The following KCND2 variants were observed in gnomAD, a reference collection of about 807,000 sequenced individuals.
The protein encoded by KCND2 is potassium voltage-gated channel subfamily D member 2, also known as A-type voltage-gated potassium channel KCND2.
In KCND2, 16 loss-of-function variants were observed where a neutral mutation model predicts 54.4. The ratio of observed to expected loss-of-function variants is 0.29; its 90% CI spans 0.20 to 0.45. The LOEUF is 0.45. KCND2 is among the 20% of genes least tolerant of loss of function. The probability of loss-of-function intolerance (pLI) is 1.00; values close to 1 mark genes in which losing one functional copy is unlikely to be tolerated. For missense variants in KCND2, 486 were observed against 824.2 expected, an observed-to-expected ratio of 0.59 and a Z score of 5.02; for synonymous variants, 317 against 310.7, an observed-to-expected ratio of 1.02 and a Z score of -0.21.
intron 1 of KCND2, among the ~76,000 whole-genome samples, chr7:120,316,630 G>C (rs1215255008): frequency 6.6e-6 from 1 of 151,992 alleles, no homozygotes; most frequent in African/African-American, 2.4e-5. Context: ...ATTTTTATTA[G>C]TTTATTTGCA....
intron 1 of KCND2, among the ~76,000 whole-genome samples, chr7:120,542,171 T>C (rs893710791): frequency 1.3e-5 from 2 of 152,196 alleles, no homozygotes; most frequent in Admixed American, 6.5e-5. Flanking sequence ...TTAATGACAC[T>C]GTCACTGTCA....
At chr7:120,328,136 T>C (rs997727717) in intron 1 of KCND2, among the ~76,000 whole-genome samples, 3 of 152,098 alleles carry the variant, frequency 2.0e-5, no homozygotes, top group Non-Finnish European at 2.9e-5. Flanking sequence ...CTGGACCTGG[T>C]GGTGGTATTG....
At chr7:120,618,831 T>A (rs2116497281) in intron 1 of KCND2, among the ~76,000 whole-genome samples, 1 of 152,270 alleles carries the variant, frequency 6.6e-6, no homozygotes, top group South Asian at 2.1e-4. Flanking sequence ...GATTTTTAAA[T>A]TTTTTTCAAT....
chr7:120,554,925 C>G (rs1197144025), intron 1 of KCND2, among the ~76,000 whole-genome samples: 3 of 152,148 alleles, frequency 2.0e-5, no homozygotes, highest in African/African-American at 7.2e-5. Context: ...CCTTTCTTCA[C>G]TCCCATACTC....
chr7:120,448,882 G>C (rs1243577573), intron 1 of KCND2, among the ~76,000 whole-genome samples: 1 of 152,138 alleles, frequency 6.6e-6, no homozygotes, highest in Non-Finnish European at 1.5e-5. Context: ...ATCACTGTTA[G>C]GAATATGAAA....
intron 1 of KCND2, among the ~76,000 whole-genome samples, chr7:120,481,294 G>T (rs1290883305): frequency 6.6e-6 from 1 of 152,194 alleles, no homozygotes; most frequent in Non-Finnish European, 1.5e-5. Context: ...CATGTAGGCT[G>T]TTGCATGGCT....
At chr7:120,524,849 T>C (rs1791753779) in intron 1 of KCND2, among the ~76,000 whole-genome samples, 4 of 152,192 alleles carry the variant, frequency 2.6e-5, no homozygotes, top group Admixed American at 2.6e-4. Flanking sequence ...GGAAAATTAA[T>C]AAAATCTGCT....
intron 1 of KCND2, among the ~76,000 whole-genome samples, chr7:120,382,610 A>G (rs1175152008): frequency 6.6e-6 from 1 of 151,862 alleles, no homozygotes; most frequent in South Asian, 2.1e-4. Flanking sequence ...TTAATGATCA[A>G]CATTAACAAA....
chr7:120,529,403 A>G (rs1378586784), intron 1 of KCND2, among the ~76,000 whole-genome samples: 3 of 152,146 alleles, frequency 2.0e-5, no homozygotes, highest in Non-Finnish European at 4.4e-5. Context: ...TTTTCATGGC[A>G]GCATTCCAGC....
chr7:120,652,739 C>T (rs1791753544), intron 1 of KCND2, among the ~76,000 whole-genome samples: 1 of 152,126 alleles, frequency 6.6e-6, no homozygotes, highest in South Asian at 2.1e-4. Context: ...TTGGATGGCT[C>T]ATCACTTCAA....
chr7:120,342,442 A>G (rs1800253843), intron 1 of KCND2, among the ~76,000 whole-genome samples: 1 of 152,156 alleles, frequency 6.6e-6, no homozygotes, highest in African/African-American at 2.4e-5. Flanking sequence ...TTCTATTTCT[A>G]TCACCAACGA....
chr7:120,742,408 T>A, intron 3 of KCND2, 102 bp from the exon 4 acceptor site: 2 of 910,862 alleles, frequency 2.2e-6, no homozygotes, highest in South Asian at 2.6e-5. Context: ...AAATAAAATG[T>A]TGCCAGTTAA....
intron 1 of KCND2, among the ~76,000 whole-genome samples, chr7:120,362,485 C>G (rs1173213340): frequency 6.6e-6 from 1 of 152,088 alleles, no homozygotes; most frequent in Non-Finnish European, 1.5e-5. Flanking sequence ...TGCTAAAAGT[C>G]TGGCATTTAA....
At chr7:120,719,455 G>C (rs1360967344) in intron 1 of KCND2, among the ~76,000 whole-genome samples, 1 of 152,168 alleles carries the variant, frequency 6.6e-6, no homozygotes, top group Non-Finnish European at 1.5e-5. Flanking sequence ...AATTCTGTAA[G>C]AGTAGTCTAG....
At chr7:120,534,644 T>C (rs899409768) in intron 1 of KCND2, among the ~76,000 whole-genome samples, 14 of 152,144 alleles carry the variant, frequency 9.2e-5, no homozygotes, top group African/African-American at 2.9e-4. Flanking sequence ...AATGTCAATT[T>C]CTTAATTGTG....
Position 120,748,160 on chromosome 7 carries a change from C to A in KCND2, c.*302C>A. The A allele has an allele frequency of 9.8e-6, 2 of 204,114 alleles. No individual in the cohort carries two copies. Among genetic ancestry groups the A allele is most frequent in the East Asian group, 1.1e-4 (1 of 8,984 alleles). 12.6% of individuals were successfully genotyped at this position (204,114 alleles called of 1,614,324 possible). A position where few individuals can be genotyped will look rare whatever the true frequency, so the allele number is the denominator to read the frequency against. Reference sequence around the variant, plus strand: ...AACTCTTTTTTAATAAAATAAATAACATAAATCGTTGAACATAATGTTCCA... The same window carrying A: ...AACTCTTTTTTAATAAAATAAATAAAATAAATCGTTGAACATAATGTTCCA... On this transcript the variant is annotated 3_prime_UTR_variant, in exon 6 of 6. Transcript: ENST00000331113.
intron 1 of KCND2, among the ~76,000 whole-genome samples, chr7:120,570,298 C>T (rs1298591232): frequency 2.0e-5 from 3 of 151,860 alleles, no homozygotes; most frequent in African/African-American, 7.3e-5. Flanking sequence ...GAAATATTAC[C>T]TATTGGAGAC....
chr7:120,354,279 T>C (rs955016927), intron 1 of KCND2, among the ~76,000 whole-genome samples: 7 of 152,186 alleles, frequency 4.6e-5, no homozygotes, highest in African/African-American at 1.7e-4. Context: ...AAGGACTTTT[T>C]TGATAATATT....
intron 1 of KCND2, among the ~76,000 whole-genome samples, chr7:120,449,478 G>C (rs1374798282): frequency 6.6e-6 from 1 of 152,158 alleles, no homozygotes; most frequent in Non-Finnish European, 1.5e-5. Flanking sequence ...ATGTAAGACA[G>C]AGTAATCTGT....
Sources: gnomAD v4.1 joint callset for allele counts (sites outside exome capture counted in the v4.1 genomes callset) on GRCh38, gnomAD v4.1.1 for gene constraint, MANE v1.5 for transcripts, NCBI Gene and HGNC (gene_info 2026-07-23, HGNC 2026-07-21) for gene names.